The following PREX1 variants were observed in gnomAD, a reference collection of about 807,000 sequenced individuals.
The protein encoded by PREX1 is phosphatidylinositol 3,4,5-trisphosphate-dependent Rac exchanger 1 protein.
Under a neutral mutation model 198.3 loss-of-function variants are expected in PREX1, and 41 were observed. The ratio of observed to expected loss-of-function variants is 0.21; its 90% CI spans 0.16 to 0.27. The LOEUF (loss-of-function observed/expected upper bound fraction) is 0.27. Ranked by LOEUF, PREX1 falls within the 10% of genes least tolerant of loss-of-function variation. The pLI, the probability that PREX1 is intolerant of heterozygous loss-of-function variation, is 1.00. For synonymous variants in PREX1, 843 were observed against 887.2 expected (o/e 0.95, Z 0.89); for missense variants, 1,620 against 2,200.7 (o/e 0.74, Z 5.28).
At chr20:48,840,996 C>T in the PREX1 span, among the ~76,000 whole-genome samples, 2 of 151,716 alleles carry the variant, frequency 1.3e-5, no homozygotes, top group South Asian at 2.1e-4. Context: ...ATGGGGGTCT[C>T]ACTATGTTGC....
At chr20:48,795,910 G>T (rs986166148) in intron 1 of PREX1, among the ~76,000 whole-genome samples, 18 of 152,080 alleles carry the variant, frequency 1.2e-4, no homozygotes, top group African/African-American at 4.3e-4. Context: ...CAAAACAAAT[G>T]CACGTGCTCG....
intron 14 of PREX1, among the ~76,000 whole-genome samples, chr20:48,672,907 T>C (rs1488582078): frequency 5.9e-5 from 9 of 152,178 alleles, no homozygotes; most frequent in African/African-American, 2.2e-4. Flanking sequence ...TTATTAAGTG[T>C]CTCTCCTATC....
intron 1 of PREX1, among the ~76,000 whole-genome samples, chr20:48,794,808 G>C (rs985212061): frequency 2.0e-5 from 3 of 152,212 alleles, no homozygotes; most frequent in Non-Finnish European, 2.9e-5. Context: ...CATTTATTGA[G>C]TGCTTGCTGG....
At chr20:48,629,648 G>A in intron 36 of PREX1, 27 bp from the exon 37 acceptor site, 1 of 1,606,214 alleles carries the variant, frequency 6.2e-7, no homozygotes, top group Non-Finnish European at 8.5e-7. Flanking sequence ...ACATAACCGG[G>A]GAGTTGGAGG....
chr20:48,808,345 G>A (rs888061750), intron 1 of PREX1, among the ~76,000 whole-genome samples: 13 of 152,178 alleles, frequency 8.5e-5, no homozygotes, highest in Non-Finnish European at 1.5e-4. Context: ...CCCCATCAGC[G>A]AGGTCACATC....
intron 1 of PREX1, among the ~76,000 whole-genome samples, chr20:48,825,987 C>T (rs1463296966): frequency 6.6e-6 from 1 of 151,754 alleles, no homozygotes; most frequent in East Asian, 1.9e-4. Flanking sequence ...ACAACCCCCT[C>T]TCCCACATCC....
chr20:48,783,240 G>T (rs951888540), intron 1 of PREX1, among the ~76,000 whole-genome samples: 1 of 152,192 alleles, frequency 6.6e-6, no homozygotes, highest in Admixed American at 6.5e-5. Flanking sequence ...AGGGTAGTGA[G>T]GATGAGAGGC....
At chr20:48,738,846 A>C (rs1480117022) in intron 3 of PREX1, among the ~76,000 whole-genome samples, 1 of 152,130 alleles carries the variant, frequency 6.6e-6, no homozygotes, top group Non-Finnish European at 1.5e-5. Context: ...CACAGCCAGC[A>C]AGACTAAGAC....
intron 4 of PREX1, among the ~76,000 whole-genome samples, chr20:48,733,335 C>T (rs1432001871): frequency 6.6e-6 from 1 of 152,208 alleles, no homozygotes. Flanking sequence ...CCTGACCCCA[C>T]CTTCCATCTC....
At chr20:48,667,144 G>C (rs2089645904) in intron 14 of PREX1, among the ~76,000 whole-genome samples, 1 of 152,146 alleles carries the variant, frequency 6.6e-6, no homozygotes, top group African/African-American at 2.4e-5. Flanking sequence ...TAGACTACAA[G>C]GTGCCCTCAT....
At chr20:48,725,559 C>T (rs1427056365) in intron 5 of PREX1, among the ~76,000 whole-genome samples, 1 of 152,250 alleles carries the variant, frequency 6.6e-6, no homozygotes, top group African/African-American at 2.4e-5. Flanking sequence ...AACACCTATG[C>T]CTGCCCTCAC....
chr20:48,709,648 A>C (rs2089921580), intron 5 of PREX1, among the ~76,000 whole-genome samples: 2 of 152,340 alleles, frequency 1.3e-5, no homozygotes, highest in East Asian at 3.9e-4. Flanking sequence ...TACAAGGAGG[A>C]ACTGGGATTT....
intron 15 of PREX1, among the ~76,000 whole-genome samples, chr20:48,661,419 CAAAAAAAAAAAA>C (rs1168247790): frequency 8.3e-5 from 1 of 12,026 alleles, no homozygotes; most frequent in South Asian, 6.1e-3. Flanking sequence ...AACTCCATCT[CAAAAAAAAAAAA>C]AAAAAAAAAA....
intron 15 of PREX1, among the ~76,000 whole-genome samples, chr20:48,664,348 C>T (rs2089619103): frequency 6.6e-6 from 1 of 150,520 alleles, no homozygotes; most frequent in South Asian, 2.1e-4. Flanking sequence ...GCACTCCAGC[C>T]TGGGCGACAG....
chr20:48,827,773 G>C lies in PREX1; in HGVS notation c.88C>G (p.Pro30Ala). 1 of 1,159,666 alleles carries C rather than the reference G, an allele frequency of 8.6e-7. No homozygotes were observed. The highest frequency in any genetic ancestry group is 1.6e-5 in the African/African-American group (1 of 61,004). The allele number at this position is 1,159,666 out of a possible 1,614,324, so 71.8% of individuals were successfully genotyped here. Residue 30 changes from proline to alanine, a missense_variant, in exon 1 of 40, where the codon CCC becomes GCC. Around this residue, in one of 7 missense-constraint regions of PREX1, gnomAD observed 96 missense variants for 98.7 expected, o/e 0.97. Coordinates refer to ENST00000371941, the MANE Select transcript of PREX1 (RefSeq NM_020820.4). The surrounding 1 kb of genome is among the most constrained non-coding windows in gnomAD (Gnocchi z 4.1). Reference sequence around the variant, plus strand: ...GCGCACGGGCCGGGGCCGGAGCTGGGCGCCGCGGCGCCAGGGGCCCGGGGG... The same window carrying C: ...GCGCACGGGCCGGGGCCGGAGCTGGCCGCCGCGGCGCCAGGGGCCCGGGGG... ...PDPRAPGAAA[P>A]SSGPGPCAAA...
the PREX1 span, among the ~76,000 whole-genome samples, chr20:48,869,184 C>A: frequency 6.6e-6 from 1 of 152,074 alleles, no homozygotes; most frequent in South Asian, 2.1e-4. Flanking sequence ...CAAGAATCTT[C>A]TTTATTAGTA....
chr20:48,741,406 C>T (rs1359471875), intron 3 of PREX1, among the ~76,000 whole-genome samples: 7 of 152,100 alleles, frequency 4.6e-5, no homozygotes, highest in Admixed American at 3.3e-4. Flanking sequence ...GTCACCCAGG[C>T]TGGAGTGCAG....
At chr20:48,872,869 T>C in the PREX1 span, among the ~76,000 whole-genome samples, 1 of 152,208 alleles carries the variant, frequency 6.6e-6, no homozygotes, top group Non-Finnish European at 1.5e-5. Flanking sequence ...GTCAGCCCTT[T>C]CAGGAGGGTA....
intron 14 of PREX1, among the ~76,000 whole-genome samples, chr20:48,669,766 G>T (rs887305062): frequency 1.3e-5 from 2 of 152,218 alleles, no homozygotes; most frequent in African/African-American, 4.8e-5. Context: ...TGGCACACAG[G>T]CAGCATTTGA....
Sources: allele counts gnomAD v4.1 joint callset (sites outside exome capture counted in the v4.1 genomes callset), GRCh38; gene constraint gnomAD v4.1.1; regional missense constraint gnomAD v4.1.1; non-coding constraint Gnocchi (gnomAD v3.1); transcripts MANE v1.5; gene names NCBI Gene and HGNC (gene_info 2026-07-23, HGNC 2026-07-21).